Variants in SLCO1B3 observed in about 807,000 individuals in gnomAD.
The protein encoded by SLCO1B3 is solute carrier organic anion transporter family member 1B3.
Under a neutral mutation model 71.8 loss-of-function variants are expected in SLCO1B3, and 72 were observed. The ratio of observed to expected loss-of-function variants is 1.00; its 90% CI spans 0.83 to 1.22. The LOEUF (loss-of-function observed/expected upper bound fraction) is 1.22. SLCO1B3 is among the 50% of genes most tolerant of loss of function. The pLI is 0.00. For synonymous variants in SLCO1B3, 298 were observed against 278.4 expected, an observed-to-expected ratio of 1.07 and a Z score of -0.70; for missense variants, 911 against 819.7, an observed-to-expected ratio of 1.11 and a Z score of -1.36.
chr12:20,894,765 C>A (rs1865970072), intron 13 of SLCO1B3, among the ~76,000 whole-genome samples: 1 of 152,174 alleles, frequency 6.6e-6, no homozygotes, highest in South Asian at 2.1e-4. Context: ...CTACTGATTT[C>A]TTCTTGACCA....
chr12:20,909,512 T>A (rs969740836), intron 15 of SLCO1B3, among the ~76,000 whole-genome samples: 1 of 151,798 alleles, frequency 6.6e-6, no homozygotes, highest in African/African-American at 2.4e-5. Flanking sequence ...CACCTCTATA[T>A]TTTTTGTGGG....
rs148127380 is a variant in SLCO1B3, at chr12:20,841,971, G to A, written c.85-13057G>A. Reference sequence around the variant, plus strand: ...GCAATCTCGGCTCACTGCAGCCTCTGTCGCCCAGTTTCAAGTGAGGTTCAA... The same window carrying A: ...GCAATCTCGGCTCACTGCAGCCTCTATCGCCCAGTTTCAAGTGAGGTTCAA... On this transcript the variant is annotated intron_variant, in intron 3 of 15. Coordinates refer to ENST00000381545, the MANE Select transcript of SLCO1B3 (RefSeq NM_019844.4). 3.3e-5 allele frequency among the ~76,000 whole-genome samples: 5 copies of A among 150,412 alleles called. No individual in the cohort carries two copies. The East Asian group carries it at 5.9e-4, about 18-fold the overall frequency.
chr12:20,883,682 G>A, intron 13 of SLCO1B3, 80 bp downstream of exon 13: 6 of 927,850 alleles, frequency 6.5e-6, no homozygotes, highest in Non-Finnish European at 9.6e-6. Context: ...TCTGTATTTT[G>A]AGCTCAAATT....
At chr12:20,905,063 C>A (rs967648843) in intron 15 of SLCO1B3, among the ~76,000 whole-genome samples, 2 of 152,068 alleles carry the variant, frequency 1.3e-5, no homozygotes, top group South Asian at 4.1e-4. Context: ...ACTCATAAGC[C>A]CAACACCATG....
intron 5 of SLCO1B3, among the ~76,000 whole-genome samples, chr12:20,860,138 G>A (rs1451978120): frequency 6.6e-6 from 1 of 151,802 alleles, no homozygotes; most frequent in East Asian, 1.9e-4. Context: ...TGTATTTTTA[G>A]TAGAGACGGG....
chr12:20,832,444 C>T (rs1015821239), intron 3 of SLCO1B3, among the ~76,000 whole-genome samples: 8 of 152,002 alleles, frequency 5.3e-5, no homozygotes, highest in Admixed American at 5.2e-4. Flanking sequence ...CTTCAAATTA[C>T]CTGTACCCCT....
At chr12:20,884,767 T>C (rs1865760418) in intron 13 of SLCO1B3, among the ~76,000 whole-genome samples, 1 of 151,560 alleles carries the variant, frequency 6.6e-6, no homozygotes. Context: ...CAGCATGACA[T>C]GGTAGAAAAA....
chr12:20,836,870 T>C (rs1172240201), intron 3 of SLCO1B3, among the ~76,000 whole-genome samples: 1 of 152,182 alleles, frequency 6.6e-6, no homozygotes, highest in Non-Finnish European at 1.5e-5. Context: ...CTCGATCTCC[T>C]GACCTCGGGA....
rs1864115436 is a variant in SLCO1B3, at chr12:20,811,904, C to CTTT, written c.-181+1140_-181+1141insTTT. ...GTAGGTACTTTGTACTTACTTGATA[C>CTTT]ATTTTTTTTTTTTTTTTTTTGAGAA... is the stretch of plus-strand genomic sequence containing the variant. On this transcript the variant is annotated intron_variant, in intron 1 of 15. Transcript: ENST00000381545. Among the ~76,000 whole-genome samples, 99 of 94,710 alleles carry CTTT rather than the reference C, an allele frequency of 1.0e-3. 4 individuals carry two copies. In the South Asian group the frequency reaches 0.037, roughly 35 times the overall value. The allele number at this position is 94,710 out of a possible 152,430, so 62.1% of individuals were successfully genotyped here. A position where few individuals can be genotyped will look rare whatever the true frequency, so the allele number is the denominator to read the frequency against.
At chr12:20,892,818 A>AATGTCTG (rs11281534) in intron 13 of SLCO1B3, among the ~76,000 whole-genome samples, 2,163 of 152,252 alleles carry the variant, frequency 0.014, 46 homozygotes, top group African/African-American at 0.05. Context: ...AGGCCCCCTG[A>AATGTCTG]ATGTCTGTGC....
chr12:20,907,818 C>A (rs1017537661), intron 15 of SLCO1B3, among the ~76,000 whole-genome samples: 2 of 151,910 alleles, frequency 1.3e-5, no homozygotes. Context: ...TGGGAGATTT[C>A]ATTTCTATTT....
chr12:20,847,235 A>C (rs1016888372), intron 3 of SLCO1B3, among the ~76,000 whole-genome samples: 4 of 152,208 alleles, frequency 2.6e-5, no homozygotes, highest in Admixed American at 2.0e-4. Flanking sequence ...AAAAATAGCT[A>C]AAATAAAAAT....
intron 3 of SLCO1B3, chr12:20,845,142 C>A: frequency 2.2e-6 from 1 of 454,906 alleles, no homozygotes; most frequent in Non-Finnish European, 4.4e-6. Context: ...TAGACTATGT[C>A]ATTGAGCTCA....
chr12:20,897,660 G>GA (rs1276857063), intron 13 of SLCO1B3, among the ~76,000 whole-genome samples: 7 of 152,154 alleles, frequency 4.6e-5, no homozygotes, highest in Middle Eastern at 3.4e-3. Flanking sequence ...ACTTCGAGGA[G>GA]AAAAAAACCC....
intron 14 of SLCO1B3, among the ~76,000 whole-genome samples, chr12:20,900,395 G>A (rs1015973887): frequency 2.6e-5 from 4 of 152,116 alleles, no homozygotes; most frequent in Middle Eastern, 3.2e-3. Flanking sequence ...AATCTTGTAT[G>A]CTTCAGTTCT....
At chr12:20,826,309 GA>G (rs1163384504) in intron 3 of SLCO1B3, among the ~76,000 whole-genome samples, 1 of 152,016 alleles carries the variant, frequency 6.6e-6, no homozygotes, top group Non-Finnish European at 1.5e-5. Flanking sequence ...AGTTGAAGGA[GA>G]AAGTTATTAT....
At chr12:20,840,490 C>A (rs1864773818) in intron 3 of SLCO1B3, among the ~76,000 whole-genome samples, 1 of 150,800 alleles carries the variant, frequency 6.6e-6, no homozygotes, top group African/African-American at 2.4e-5. Context: ...CTCCCTGGTT[C>A]AAGCAATTCT....
rs1865648042 is a variant in SLCO1B3, at chr12:20,879,489, A to G, written c.1189A>G (p.Ile397Val). The change falls in exon 11 of 16, where the codon ATT (isoleucine) becomes GTT (valine). Residue 397 changes from isoleucine (I) to valine (V), a missense_variant. Coordinates refer to ENST00000381545, the MANE Select transcript of SLCO1B3 (RefSeq NM_019844.4). ...TGGAATGTTTTTAGGAGGATTTATC[A>G]TTAAAAAATTCAAATTGTCTTTAGT... ...ATGMFLGGFIIKKFKLSLVGI... is the reference protein window; with the variant it reads ...ATGMFLGGFIVKKFKLSLVGI... 6.2e-7 allele frequency: 1 copy of G among 1,611,446 alleles called. No individual in the cohort carries two copies.
At chr12:20,874,997 T>G (rs889400727) in intron 8 of SLCO1B3, among the ~76,000 whole-genome samples, 1 of 152,112 alleles carries the variant, frequency 6.6e-6, no homozygotes, top group African/African-American at 2.4e-5. Context: ...GCACACAAGA[T>G]CAGGCAATGC....
Sources: allele counts gnomAD v4.1 joint callset (sites outside exome capture counted in the v4.1 genomes callset), GRCh38; gene constraint gnomAD v4.1.1; transcripts MANE v1.5; gene names NCBI Gene and HGNC (gene_info 2026-07-23, HGNC 2026-07-21).